The following CMTM7 variants were observed in gnomAD, a reference collection of about 807,000 sequenced individuals.
The protein encoded by CMTM7 is CKLF-like MARVEL transmembrane domain-containing protein 7.
Under a neutral mutation model 19.3 loss-of-function variants are expected in CMTM7, and 7 were observed. That is an observed-to-expected ratio of 0.36 (90% CI 0.21 to 0.68). The LOEUF is 0.68. Among genes scored for constraint, CMTM7 ranks in the 30% least tolerant of loss-of-function variants. The pLI, the probability that CMTM7 is intolerant of heterozygous loss-of-function variation, is 0.60. For missense variants in CMTM7, 193 were observed against 232.6 expected, an observed-to-expected ratio of 0.83 and a Z score of 1.11; for synonymous variants, 87 against 99.3, an observed-to-expected ratio of 0.88 and a Z score of 0.74.
intron 1 of CMTM7, among the ~76,000 whole-genome samples, chr3:32,404,530 G>A (rs1191398646): frequency 6.6e-6 from 1 of 152,140 alleles, no homozygotes; most frequent in African/African-American, 2.4e-5. Flanking sequence ...GAAGCTGAGA[G>A]GTTAAAAGTT....
At chr3:32,454,032 T>G (rs1013618380) in intron 4 of CMTM7, among the ~76,000 whole-genome samples, 5 of 151,400 alleles carry the variant, frequency 3.3e-5, no homozygotes, top group African/African-American at 1.2e-4. Context: ...GTCGGGGGAG[T>G]GCGGATGGGA....
chr3:32,441,095 C>T lies in CMTM7; in HGVS notation c.160-745C>T, dbSNP rs769811331. Among the ~76,000 whole-genome samples, 52 of 152,190 alleles carry T rather than the reference C, an allele frequency of 3.4e-4. 1 individual carries two copies. Among genetic ancestry groups the T allele is most frequent in the Admixed American group, 1.8e-3 (27 of 15,276 alleles). On this transcript the variant is annotated intron_variant, in intron 1 of 4. Transcript: ENST00000334983. ...CAGGATTCCTGCATGGTTGAGAACC[C>T]GTCCACCTTTCTCGGCTTGTTATGA...
chr3:32,426,410 A>G (rs1339496390), intron 1 of CMTM7, among the ~76,000 whole-genome samples: 1 of 152,240 alleles, frequency 6.6e-6, no homozygotes, highest in Non-Finnish European at 1.5e-5. Context: ...ACAAAATAGT[A>G]ATATTTTTAA....
At chr3:32,400,226 G>T (rs1042223901) in intron 1 of CMTM7, among the ~76,000 whole-genome samples, 1 of 151,840 alleles carries the variant, frequency 6.6e-6, no homozygotes, top group African/African-American at 2.4e-5. Flanking sequence ...CTCCATGTTG[G>T]CCAGGCTGGT....
chr3:32,418,041 C>G (rs1419877425), intron 1 of CMTM7, among the ~76,000 whole-genome samples: 1 of 152,152 alleles, frequency 6.6e-6, no homozygotes, highest in Non-Finnish European at 1.5e-5. Flanking sequence ...AGGCTGGTCT[C>G]GAACTCCTGG....
chr3:32,452,170 C>T, intron 3 of CMTM7: 1 of 1,506,386 alleles, frequency 6.6e-7, no homozygotes, highest in East Asian at 2.6e-5. Flanking sequence ...GGCTGCCAGC[C>T]CTGACCTGGC....
chr3:32,413,898 C>T (rs918922889), intron 1 of CMTM7, among the ~76,000 whole-genome samples: 2 of 152,172 alleles, frequency 1.3e-5, no homozygotes, highest in Non-Finnish European at 2.9e-5. Flanking sequence ...TGCTGAGTCC[C>T]TCCCCACAAA....
rs1696791934 is a variant in CMTM7 at position 32,449,014 on chromosome 3, G to A, written c.334-440G>A. On this transcript the variant is annotated intron_variant, in intron 2 of 4. Coordinates refer to ENST00000334983, the MANE Select transcript of CMTM7 (RefSeq NM_138410.4). The surrounding 1 kb of genome is among the most constrained non-coding windows in gnomAD (Gnocchi z 4.5). ...TTAGCCCAGAACTTTCTCCGAAGCA[G>A]AAGAGAAAGGCAAATATCTCTTTAA... is the stretch of plus-strand genomic sequence containing the variant. 6.6e-6 allele frequency among the ~76,000 whole-genome samples: 1 copy of A among 152,228 alleles called. No individual in the cohort carries two copies. Among genetic ancestry groups the A allele is most frequent in the African/African-American group, 2.4e-5 (1 of 41,454 alleles).
intron 1 of CMTM7, among the ~76,000 whole-genome samples, chr3:32,418,868 G>C (rs1182339184): frequency 1.3e-5 from 2 of 152,116 alleles, no homozygotes. Context: ...CTCATTCCTT[G>C]CCCTTTTCAT....
intron 1 of CMTM7, among the ~76,000 whole-genome samples, chr3:32,425,911 C>T (rs1192759684): frequency 3.3e-5 from 5 of 152,052 alleles, no homozygotes; most frequent in East Asian, 1.9e-4. Context: ...TTTGGGAGGC[C>T]GAGGTGGGCG....
chr3:32,448,988 G>T (rs946109334), intron 2 of CMTM7, among the ~76,000 whole-genome samples: 1 of 152,204 alleles, frequency 6.6e-6, no homozygotes, highest in Non-Finnish European at 1.5e-5. Context: ...CCAGCACATT[G>T]TTAGCCCAGA....
intron 1 of CMTM7, among the ~76,000 whole-genome samples, chr3:32,413,016 G>C (rs1215139572): frequency 2.6e-5 from 4 of 152,130 alleles, no homozygotes; most frequent in African/African-American, 9.7e-5. Flanking sequence ...AACATTTTCA[G>C]GGGTTGGCAA....
intron 1 of CMTM7, among the ~76,000 whole-genome samples, chr3:32,440,332 C>T (rs570039783): frequency 6.6e-6 from 1 of 151,784 alleles, no homozygotes; most frequent in Admixed American, 6.6e-5. Flanking sequence ...GCTTGAATCT[C>T]GTAGGCAGAG....
At chr3:32,431,891 G>A (rs1175260906) in intron 1 of CMTM7, among the ~76,000 whole-genome samples, 1 of 152,220 alleles carries the variant, frequency 6.6e-6, no homozygotes, top group African/African-American at 2.4e-5. Context: ...CAACACTTTG[G>A]GAGACCGAGG....
chr3:32,413,225 G>A (rs1001872851), intron 1 of CMTM7, among the ~76,000 whole-genome samples: 2 of 152,296 alleles, frequency 1.3e-5, no homozygotes, highest in South Asian at 2.1e-4. Flanking sequence ...AAAAGAAATG[G>A]CCAATCGCTG....
At chr3:32,416,588 C>T (rs956995729) in intron 1 of CMTM7, among the ~76,000 whole-genome samples, 1 of 151,412 alleles carries the variant, frequency 6.6e-6, no homozygotes, top group African/African-American at 2.4e-5. Context: ...GACGGGGTTT[C>T]GCCTTGTTAG....
At chr3:32,418,123 T>A (rs376139635) in intron 1 of CMTM7, among the ~76,000 whole-genome samples, 11 of 152,172 alleles carry the variant, frequency 7.2e-5, no homozygotes, top group Admixed American at 7.2e-4. Flanking sequence ...CGCCTGTCCT[T>A]ATTGTGGTTT....
chr3:32,441,420 A>G (rs1371793956), intron 1 of CMTM7, among the ~76,000 whole-genome samples: 1 of 152,228 alleles, frequency 6.6e-6, no homozygotes, highest in Non-Finnish European at 1.5e-5. Flanking sequence ...GTCAAAAACC[A>G]TCAAATATTG....
chr3:32,408,764 A>G (rs1241863769), intron 1 of CMTM7, among the ~76,000 whole-genome samples: 1 of 152,186 alleles, frequency 6.6e-6, no homozygotes, highest in Non-Finnish European at 1.5e-5. Context: ...CAGCCCAAAA[A>G]CATATGTATT....
Sources: allele counts gnomAD v4.1 joint callset (sites outside exome capture counted in the v4.1 genomes callset), GRCh38; gene constraint gnomAD v4.1.1; non-coding constraint Gnocchi (gnomAD v3.1); transcripts MANE v1.5; gene names NCBI Gene and HGNC (gene_info 2026-07-23, HGNC 2026-07-21).